The following FYB1 variants were observed in gnomAD, a reference collection of about 807,000 sequenced individuals.
FYB1 encodes FYN-binding protein 1.
Under a neutral mutation model 94.1 loss-of-function variants are expected in FYB1, and 41 were observed. The observed-to-expected ratio is 0.44, with a 90% CI of 0.34 to 0.57. FYB1 has a LOEUF of 0.57. Ranked by LOEUF, FYB1 falls within the 20% of genes least tolerant of loss-of-function variation. FYB1 has a pLI of 0.02. For synonymous variants in FYB1, 367 were observed against 353.2 expected (o/e 1.04, Z -0.44); for missense variants, 1,050 against 976.8 (o/e 1.07, Z -1.00).
intron 2 of FYB1, chr5:39,170,118 G>C: frequency 3.7e-6 from 3 of 814,882 alleles, no homozygotes; most frequent in Non-Finnish European, 6.5e-6. Flanking sequence ...GATTTCAAAT[G>C]TTATCAGTTG....
At chr5:39,260,877 C>CATATGACTTACTTTGGCCAATTAA (rs1229508423) in intron 1 of FYB1, among the ~76,000 whole-genome samples, 5 of 151,780 alleles carry the variant, frequency 3.3e-5, no homozygotes, top group African/African-American at 1.2e-4. Flanking sequence ...GAGATATGTC[C>CATATGACTTACTTTGGCCAATTAA]ATATGACTTA....
intron 1 of FYB1, among the ~76,000 whole-genome samples, chr5:39,233,899 G>A (rs1750850249): frequency 6.6e-6 from 1 of 152,140 alleles, no homozygotes; most frequent in Non-Finnish European, 1.5e-5. Context: ...AGTTAACATA[G>A]TAGTATTATT....
At chr5:39,271,741 C>G (rs1185743814) in intron 1 of FYB1, among the ~76,000 whole-genome samples, 1 of 152,082 alleles carries the variant, frequency 6.6e-6, no homozygotes, top group Non-Finnish European at 1.5e-5. Flanking sequence ...GAAGTAGAAA[C>G]TGAGATTGTC....
intron 1 of FYB1, among the ~76,000 whole-genome samples, chr5:39,209,796 T>C (rs1399084185): frequency 6.6e-6 from 1 of 152,236 alleles, no homozygotes; most frequent in Non-Finnish European, 1.5e-5. Flanking sequence ...TAATATGCAT[T>C]GAACGTACTG....
At chr5:39,258,007 G>A (rs754699890) in intron 1 of FYB1, among the ~76,000 whole-genome samples, 4 of 152,168 alleles carry the variant, frequency 2.6e-5, no homozygotes, top group Non-Finnish European at 4.4e-5. Context: ...TCACTGGGAA[G>A]GCTTTGTTAA....
At chr5:39,157,861 A>G (rs1001759459) in intron 2 of FYB1, among the ~76,000 whole-genome samples, 2 of 152,306 alleles carry the variant, frequency 1.3e-5, no homozygotes, top group African/African-American at 4.8e-5. Context: ...TGGACAGTGC[A>G]GGATGGTTCA....
At chr5:39,205,384 T>A (rs969701044) in intron 1 of FYB1, among the ~76,000 whole-genome samples, 21 of 152,202 alleles carry the variant, frequency 1.4e-4, no homozygotes, top group Admixed American at 1.3e-3. Flanking sequence ...GCCATAGGAC[T>A]GTTAGGAAAA....
intron 3 of FYB1, among the ~76,000 whole-genome samples, chr5:39,143,936 T>C (rs1742413619): frequency 6.6e-6 from 1 of 152,238 alleles, no homozygotes; most frequent in African/African-American, 2.4e-5. Context: ...AAATTTGTCA[T>C]GACAAGACAC....
intron 13 of FYB1, among the ~76,000 whole-genome samples, chr5:39,122,982 A>G (rs1283832533): frequency 6.6e-6 from 1 of 152,130 alleles, no homozygotes; most frequent in East Asian, 1.9e-4. Context: ...GTATTGAGAA[A>G]CAGTATTGGC....
chr5:39,233,514 G>A (rs962457818), intron 1 of FYB1, among the ~76,000 whole-genome samples: 1 of 152,092 alleles, frequency 6.6e-6, no homozygotes, highest in Non-Finnish European at 1.5e-5. Context: ...TTTTGTTAAC[G>A]TTGGTAATAA....
chr5:39,141,007 C>T, intron 4 of FYB1, 88 bp downstream of exon 4: 1 of 841,824 alleles, frequency 1.2e-6, no homozygotes. Flanking sequence ...ATGATAATGA[C>T]CCATTAATGA....
chr5:39,198,182 T>C (rs552186890), intron 2 of FYB1, among the ~76,000 whole-genome samples: 1 of 152,264 alleles, frequency 6.6e-6, no homozygotes, highest in Non-Finnish European at 1.5e-5. Context: ...GTAGGTGGTA[T>C]TATACTCGTT....
chr5:39,127,658 C>T, intron 11 of FYB1, 83 bp downstream of exon 11: 1 of 1,424,888 alleles, frequency 7.0e-7, no homozygotes. Context: ...CTATTTTCCG[C>T]TTTTTATTTT....
At chr5:39,241,184 G>A (rs57544840) in intron 1 of FYB1, among the ~76,000 whole-genome samples, 2,281 of 152,264 alleles carry the variant, frequency 0.015, 50 homozygotes, top group African/African-American at 0.052. Flanking sequence ...AGAGGATAGA[G>A]AGGATCAAAG....
At chr5:39,141,030 G>A (rs1025147869) in intron 4 of FYB1, 65 bp downstream of exon 4, 1 of 1,128,712 alleles carries the variant, frequency 8.9e-7, no homozygotes, top group Non-Finnish European at 1.3e-6. Context: ...CTATAAGAAT[G>A]AATAGCTCAA....
chr5:39,188,061 C>T (rs1310742700), intron 2 of FYB1, among the ~76,000 whole-genome samples: 5 of 152,234 alleles, frequency 3.3e-5, no homozygotes, highest in South Asian at 2.1e-4. Flanking sequence ...TCCAGGCTGA[C>T]GGTCAGTTGG....
At chr5:39,255,004 A>G (rs1272944123) in intron 1 of FYB1, among the ~76,000 whole-genome samples, 1 of 152,186 alleles carries the variant, frequency 6.6e-6, no homozygotes, top group Non-Finnish European at 1.5e-5. Context: ...GTCTAGAAAA[A>G]TATTTATTGA....
At chr5:39,224,674 T>C (rs564421701) in intron 1 of FYB1, among the ~76,000 whole-genome samples, 1 of 152,264 alleles carries the variant, frequency 6.6e-6, no homozygotes, top group South Asian at 2.1e-4. Flanking sequence ...CTTATTTTCT[T>C]TGACTTTAAC....
intron 8 of FYB1, 57 bp from the exon 9 acceptor site, chr5:39,134,406 T>C: frequency 7.2e-7 from 1 of 1,380,050 alleles, no homozygotes; most frequent in Non-Finnish European, 9.9e-7. Flanking sequence ...ATTTTAAAGT[T>C]GTGAATAAAA....
Sources: allele counts gnomAD v4.1 joint callset (sites outside exome capture counted in the v4.1 genomes callset), GRCh38; gene constraint gnomAD v4.1.1; transcripts MANE v1.5; gene names NCBI Gene and HGNC (gene_info 2026-07-23, HGNC 2026-07-21).